FMO4: variants seen among roughly 807,000 people sequenced by gnomAD.
FMO4 encodes dimethylaniline monooxygenase [N-oxide-forming] 4.
Under a neutral mutation model 43.3 loss-of-function variants are expected in FMO4, and 38 were observed. The ratio of observed to expected loss-of-function variants is 0.88; its 90% CI spans 0.68 to 1.15. The LOEUF is 1.15. Ranked by LOEUF, FMO4 falls within the 50% of genes most tolerant of loss-of-function variation. The pLI is 0.00. For missense variants in FMO4, 631 were observed against 663.3 expected (o/e 0.95, Z 0.54); for synonymous variants, 224 against 232.2 (o/e 0.96, Z 0.32).
Position 171,341,832 on chromosome 1 carries a change from GA to G in FMO4, c.1671del (p.Gly558AspfsTer14), listed in dbSNP as rs1558046959. The G allele has an allele frequency of 1.2e-6, 2 of 1,609,924 alleles. No homozygotes were observed. The highest frequency in any genetic ancestry group is 2.2e-5 in the South Asian group (2 of 90,824). On this transcript the variant is annotated frameshift_variant, in exon 10 of 10. Transcript: ENST00000367749. LOFTEE classifies it high-confidence loss of function. ...RMSPYLVSLW[R>X]G ...TCCCCTTACCTAGTAAGTCTTTGGC[GA>G]GGATGAACCTGATTGTTACAAGGGT...
intron 7 of FMO4, 187 bp downstream of exon 7, chr1:171,333,095 T>G (rs1248027500): frequency 2.2e-6 from 1 of 464,666 alleles, no homozygotes; most frequent in Non-Finnish European, 3.8e-6. Context: ...CTCTTTCTGG[T>G]GGCAAAAGTA....
intron 5 of FMO4, among the ~76,000 whole-genome samples, chr1:171,325,986 T>C (rs1662646865): frequency 6.6e-6 from 1 of 151,594 alleles, no homozygotes; most frequent in East Asian, 1.9e-4. Flanking sequence ...TAGTTGGGAC[T>C]ACAGGTGTGT....
intron 9 of FMO4, among the ~76,000 whole-genome samples, 198 bp downstream of exon 9, chr1:171,337,623 C>A (rs1047179643): frequency 6.6e-6 from 1 of 152,150 alleles, no homozygotes; most frequent in African/African-American, 2.4e-5. Flanking sequence ...TCTGGGGACA[C>A]CAGGTCTTTT....
intron 1 of FMO4, among the ~76,000 whole-genome samples, chr1:171,315,924 C>A (rs967858075): frequency 3.3e-5 from 5 of 152,138 alleles, no homozygotes; most frequent in Non-Finnish European, 5.9e-5. Flanking sequence ...TAGGACTTAG[C>A]ACAAGGTAGT....
rs1663166127 is a variant in FMO4, at chr1:171,337,403, G to GA, written c.1232dup (p.Glu412GlyfsTer5). 8.1e-6 allele frequency: 13 copies of GA among 1,611,948 alleles called. No homozygotes were observed. The East Asian group carries it at 2.9e-4, about 36-fold the overall frequency. On this transcript the variant is annotated frameshift_variant, in exon 9 of 10. Coordinates refer to ENST00000367749, the MANE Select transcript of FMO4 (RefSeq NM_002022.3). LOFTEE classifies it low-confidence loss of function (END_TRUNC). Reference sequence around the variant, plus strand: ...CCAAAAATTGATGATGGAGGCTACTGAAAAGGAACAGCTCATTAAAAGGTA... The same window carrying GA: ...CCAAAAATTGATGATGGAGGCTACTGAAAAAGGAACAGCTCATTAAAAGGTA...
At chr1:171,339,954 C>T (rs1295740621) in intron 9 of FMO4, among the ~76,000 whole-genome samples, 1 of 152,092 alleles carries the variant, frequency 6.6e-6, no homozygotes. Context: ...ATGAAGACTA[C>T]GAGTTTTAGC....
chr1:171,331,086 T>G (rs149117333), intron 5 of FMO4, among the ~76,000 whole-genome samples: 331 of 152,368 alleles, frequency 2.2e-3, no homozygotes, highest in African/African-American at 7.7e-3. Context: ...AATCAAAATT[T>G]AATATGTAAA....
At chr1:171,317,844 C>T (rs960062268) in intron 2 of FMO4, among the ~76,000 whole-genome samples, 4 of 152,132 alleles carry the variant, frequency 2.6e-5, no homozygotes, top group African/African-American at 9.7e-5. Context: ...TTCTTTAGGA[C>T]TCTAAATGCT....
Position 171,320,144 on chromosome 1 carries a change from C to T in FMO4, c.132+187C>T, listed in dbSNP as rs371814927. Among the ~76,000 whole-genome samples, 40 of 152,192 alleles carry T rather than the reference C, an allele frequency of 2.6e-4. No individual in the cohort carries two copies. In the South Asian group the frequency reaches 7.1e-3, roughly 27 times the overall value. Reference sequence around the variant, plus strand: ...TGATTGGTGAGGAATCTTGAGAATGCGCAGACTCGGGTCAGGGACAGTTGG... The same window carrying T: ...TGATTGGTGAGGAATCTTGAGAATGTGCAGACTCGGGTCAGGGACAGTTGG... On this transcript the variant is annotated intron_variant, in intron 3 of 9. Coordinates refer to ENST00000367749, the MANE Select transcript of FMO4 (RefSeq NM_002022.3).
rs1663033467 is a variant in FMO4, at chr1:171,334,544, A to AT, written c.963dup (p.Asp322Ter). 1 of 1,613,582 alleles carries AT rather than the reference A, an allele frequency of 6.2e-7. No homozygotes were observed. The highest frequency in any genetic ancestry group is 1.1e-5 in the South Asian group (1 of 91,072). On this transcript the variant is annotated frameshift_variant, in exon 8 of 10. Transcript: ENST00000367749. LOFTEE classifies it high-confidence loss of function. Reference sequence around the variant, plus strand: ...TGAAGATGGGACAGTGGAAGAAAACATTGATGTTGTGATCTTCACTACAGG... The same window carrying AT: ...TGAAGATGGGACAGTGGAAGAAAACATTTGATGTTGTGATCTTCACTACAGG...
intron 8 of FMO4, among the ~76,000 whole-genome samples, chr1:171,335,434 G>A (rs1318943313): frequency 6.6e-6 from 1 of 152,128 alleles, no homozygotes; most frequent in Non-Finnish European, 1.5e-5. Context: ...GGGTTTCTCT[G>A]ACCATTGCTA....
intron 8 of FMO4, among the ~76,000 whole-genome samples, chr1:171,336,512 G>A (rs1480717255): frequency 2.6e-5 from 4 of 152,188 alleles, no homozygotes; most frequent in African/African-American, 9.6e-5. Context: ...AGCAGACAGA[G>A]CCTGGGTGAG....
chr1:171,337,118 G>C (rs1281696686), intron 8 of FMO4, among the ~76,000 whole-genome samples: 1 of 152,126 alleles, frequency 6.6e-6, no homozygotes, highest in Non-Finnish European at 1.5e-5. Flanking sequence ...CAGGCTGACA[G>C]CTGGGCCATA....
chr1:171,324,501 A>G (rs1662579513), intron 5 of FMO4, among the ~76,000 whole-genome samples: 1 of 152,170 alleles, frequency 6.6e-6, no homozygotes, highest in South Asian at 2.1e-4. Context: ...TAATATAAAT[A>G]TTATTGTTAT....
At chr1:171,329,625 A>G (rs930254326) in intron 5 of FMO4, among the ~76,000 whole-genome samples, 1 of 152,182 alleles carries the variant, frequency 6.6e-6, no homozygotes, top group Non-Finnish European at 1.5e-5. Context: ...GTAGACCCCA[A>G]ACATGAAGGT....
intron 5 of FMO4, among the ~76,000 whole-genome samples, chr1:171,326,496 GT>G (rs1387071665): frequency 2.0e-5 from 3 of 152,240 alleles, no homozygotes; most frequent in Admixed American, 2.0e-4. Flanking sequence ...ACATTTCCAA[GT>G]TGCTTTGGGA....
chr1:171,336,127 C>T (rs1663105390), intron 8 of FMO4, among the ~76,000 whole-genome samples: 1 of 151,958 alleles, frequency 6.6e-6, no homozygotes, highest in South Asian at 2.1e-4. Context: ...CTTAGTTGGA[C>T]CTATCTCGTG....
chr1:171,318,969 A>T (rs1662301497), intron 2 of FMO4, among the ~76,000 whole-genome samples: 1 of 152,204 alleles, frequency 6.6e-6, no homozygotes. Flanking sequence ...CTGGCCCCAC[A>T]GTAGGATCTA....
At chr1:171,317,874 T>TCTACTGA (rs1662258888) in intron 2 of FMO4, among the ~76,000 whole-genome samples, 1 of 152,126 alleles carries the variant, frequency 6.6e-6, no homozygotes, top group Non-Finnish European at 1.5e-5. Context: ...AACCAACATT[T>TCTACTGA]CTACTGACTG....
Sources: allele counts gnomAD v4.1 joint callset (sites outside exome capture counted in the v4.1 genomes callset), GRCh38; gene constraint gnomAD v4.1.1; transcripts MANE v1.5; gene names NCBI Gene and HGNC (gene_info 2026-07-23, HGNC 2026-07-21).